Variants in ATP9B observed in about 807,000 individuals in gnomAD.
ATP9B encodes the protein ATPase phospholipid transporting 9B.
Under a neutral mutation model 146.1 loss-of-function variants are expected in ATP9B, and 110 were observed. The observed-to-expected ratio is 0.75, with a 90% confidence interval of 0.65 to 0.88. ATP9B has a LOEUF of 0.88. ATP9B is among the 40% of genes least tolerant of loss of function. ATP9B has a pLI of 0.00. For missense variants in ATP9B, 1,499 were observed against 1,496.4 expected (o/e 1.00, Z -0.03); for synonymous variants, 604 against 569.7 (o/e 1.06, Z -0.86).
At chr18:79,352,369 G>A (rs1015399359) in intron 25 of ATP9B, 1 of 152,222 alleles carries the variant, frequency 6.6e-6, no homozygotes, top group Non-Finnish European at 1.5e-5. Context: ...CAGACCTGCA[G>A]GAACGGGAGG....
chr18:79,373,470 A>C (rs2097084349), intron 27 of ATP9B, among the ~76,000 whole-genome samples: 2 of 136,164 alleles, frequency 1.5e-5, no homozygotes, highest in Admixed American at 7.4e-5. Flanking sequence ...AGCATGAAGC[A>C]TGGGCATGGC....
At chr18:79,152,123 GAC>G (rs1386053762) in intron 6 of ATP9B, among the ~76,000 whole-genome samples, 1 of 152,186 alleles carries the variant, frequency 6.6e-6, no homozygotes, top group Non-Finnish European at 1.5e-5. Flanking sequence ...ACCACAATGA[GAC>G]ACCATCTCAC....
At chr18:79,266,423 T>C (rs1458385593) in intron 12 of ATP9B, among the ~76,000 whole-genome samples, 1 of 151,886 alleles carries the variant, frequency 6.6e-6, no homozygotes, top group African/African-American at 2.4e-5. Context: ...CAGCTTTTTT[T>C]TGTTCAGTTC....
Position 79,231,577 on chromosome 18 carries a change from G to A in ATP9B, c.1107+17539G>A, listed in dbSNP as rs543733000. Among the ~76,000 whole-genome samples, 6 of 152,110 alleles carry A rather than the reference G, an allele frequency of 3.9e-5. No individual in the cohort carries two copies. The Middle Eastern group carries it at 0.01, about 259-fold the overall frequency. The stretch of plus-strand genomic sequence containing the variant: ...GTACAACCACTATGGAAAACAGTGT[G>A]GAGATTCCTTAAAGAACTAAAAGTA... On this transcript the variant is annotated intron_variant, in intron 11 of 29. Coordinates refer to ENST00000426216, the MANE Select transcript of ATP9B (RefSeq NM_198531.5).
rs149533185 is a variant in ATP9B, at chr18:79,130,281, C to G, written c.667+3906C>G. On this transcript the variant is annotated intron_variant, in intron 5 of 29. Transcript: ENST00000426216. ...TAGAGAATTATCTAAAGGAAGCAAA[C>G]AAATTCTGGCACTGAAAAGTATAGT... 9.9e-4 allele frequency among the ~76,000 whole-genome samples: 150 copies of G among 152,250 alleles called. 1 individual carries two copies. The highest frequency in any genetic ancestry group is 3.8e-4 in the Non-Finnish European group (26 of 68,032).
chr18:79,088,386 T>G (rs1370873335), intron 1 of ATP9B, among the ~76,000 whole-genome samples: 1 of 152,236 alleles, frequency 6.6e-6, no homozygotes, highest in Non-Finnish European at 1.5e-5. Flanking sequence ...TTGACTGTTT[T>G]AAAAGAAGTG....
intron 25 of ATP9B, chr18:79,353,727 G>A (rs552240260): frequency 7.2e-5 from 11 of 152,302 alleles, no homozygotes; most frequent in Non-Finnish European, 1.3e-4. Context: ...GTCACACGGC[G>A]GTTCCATGAC....
intron 1 of ATP9B, chr18:79,086,133 G>T (rs1399373501): frequency 6.6e-6 from 1 of 151,868 alleles, no homozygotes; most frequent in Admixed American, 6.6e-5. Flanking sequence ...GGGTCTATAA[G>T]AATTTCCTTT....
intron 13 of ATP9B, among the ~76,000 whole-genome samples, chr18:79,285,832 A>G (rs1165697918): frequency 6.6e-6 from 1 of 152,168 alleles, no homozygotes; most frequent in East Asian, 1.9e-4. Context: ...AGCTTTCTAC[A>G]TGTGGCTAGC....
chr18:79,183,736 A>G (rs1469732448), intron 8 of ATP9B, among the ~76,000 whole-genome samples: 1 of 150,832 alleles, frequency 6.6e-6, no homozygotes, highest in Admixed American at 6.6e-5. Context: ...TGCTTTCCAT[A>G]CAAAATCTGA....
At chr18:79,346,713 G>T (rs1313997142) in intron 23 of ATP9B, among the ~76,000 whole-genome samples, 1 of 152,152 alleles carries the variant, frequency 6.6e-6, no homozygotes, top group Admixed American at 6.5e-5. Flanking sequence ...ACGTCAGCAC[G>T]TGCTCAGTGC....
chr18:79,321,384 ATT>A (rs11339661), intron 15 of ATP9B, among the ~76,000 whole-genome samples: 2,668 of 132,510 alleles, frequency 0.02, 47 homozygotes, highest in African/African-American at 0.053. Flanking sequence ...TCATCTAGCA[ATT>A]TTTTTTTTTT....
intron 11 of ATP9B, among the ~76,000 whole-genome samples, chr18:79,225,284 A>G (rs892644687): frequency 6.6e-6 from 1 of 152,242 alleles, no homozygotes; most frequent in African/African-American, 2.4e-5. Flanking sequence ...ATTAACTAAA[A>G]CATGTATATA....
At chr18:79,265,051 T>C (rs957266066) in intron 12 of ATP9B, among the ~76,000 whole-genome samples, 14 of 152,138 alleles carry the variant, frequency 9.2e-5, no homozygotes, top group African/African-American at 3.4e-4. Context: ...TTGCTGATAC[T>C]CTCCCTCCTC....
chr18:79,137,574 A>T (rs1307776859), intron 5 of ATP9B, among the ~76,000 whole-genome samples: 1 of 152,112 alleles, frequency 6.6e-6, no homozygotes, highest in African/African-American at 2.4e-5. Context: ...CACTTTGTAA[A>T]CATGGGCATT....
intron 1 of ATP9B, 65 bp downstream of exon 1, chr18:79,069,594 G>A: frequency 9.0e-7 from 1 of 1,105,130 alleles, no homozygotes; most frequent in Non-Finnish European, 1.2e-6. Flanking sequence ...CCCACCGCAG[G>A]AACCCGGAGC....
At chr18:79,195,668 G>A (rs1345757662) in intron 9 of ATP9B, among the ~76,000 whole-genome samples, 2 of 152,150 alleles carry the variant, frequency 1.3e-5, no homozygotes, top group African/African-American at 4.8e-5. Flanking sequence ...GAATAAAACA[G>A]GATAACGTGA....
rs368206435 is a variant in ATP9B, at chr18:79,126,336, G to C, written c.628G>C (p.Glu210Gln). 13 of 1,612,030 alleles carry C rather than the reference G, an allele frequency of 8.1e-6. No individual in the cohort carries two copies. The African/African-American group carries it at 1.7e-4, about 21-fold the overall frequency. Residue 210 changes from glutamate (E) to glutamine (Q), a missense_variant, in exon 5 of 30, where the codon GAA (glutamate) becomes CAA (glutamine). Physicochemically the swap from Glu to Gln is conservative, Grantham distance 29 (BLOSUM62 2). Transcript: ENST00000426216. ...DEFRRFQRDK[E>Q]VNSQLYSKLT... The stretch of plus-strand genomic sequence containing the variant: ...ATTTCGGCGTTTTCAGCGTGACAAG[G>C]AAGTGAATTCACAACTATATAGCAA...
At chr18:79,297,461 C>T (rs1250823900) in intron 13 of ATP9B, among the ~76,000 whole-genome samples, 2 of 152,160 alleles carry the variant, frequency 1.3e-5, no homozygotes, top group African/African-American at 2.4e-5. Context: ...GTTCTCATCG[C>T]GTTATGAGGC....
Sources: allele counts gnomAD v4.1 joint callset (sites outside exome capture counted in the v4.1 genomes callset), GRCh38; gene constraint gnomAD v4.1.1; transcripts MANE v1.5; gene names NCBI Gene and HGNC (gene_info 2026-07-23, HGNC 2026-07-21).